SASH1: variants seen among roughly 807,000 people sequenced by gnomAD.
SASH1 encodes the protein SAM and SH3 domain-containing protein 1.
SASH1 carries 44 observed loss-of-function variants against 125.2 expected under a neutral mutation model. The ratio of observed to expected loss-of-function variants is 0.35; its 90% CI spans 0.28 to 0.45. SASH1 has a LOEUF of 0.45. Ranked by LOEUF, SASH1 falls within the 20% of genes least tolerant of loss-of-function variation. The probability of loss-of-function intolerance (pLI) is 1.00; values close to 1 mark genes in which losing one functional copy is unlikely to be tolerated. For missense variants in SASH1, 1,426 were observed against 1,614.5 expected (o/e 0.88, Z 2.00); for synonymous variants, 639 against 649.1 (o/e 0.98, Z 0.24).
At chr6:148,446,403 T>C (rs981253076) in intron 4 of SASH1, among the ~76,000 whole-genome samples, 17 of 152,162 alleles carry the variant, frequency 1.1e-4, no homozygotes, top group African/African-American at 3.6e-4. Context: ...CCACCGTGCC[T>C]GGCCAGGGTT....
At chr6:148,318,892 T>C (rs373164383) in intron 1 of SASH1, among the ~76,000 whole-genome samples, 29 of 152,190 alleles carry the variant, frequency 1.9e-4, no homozygotes, top group African/African-American at 6.5e-4. Context: ...GAGAATATTT[T>C]CCCATGCTGT....
intron 2 of SASH1, among the ~76,000 whole-genome samples, chr6:148,416,803 T>A (rs1317978932): frequency 6.6e-6 from 1 of 152,228 alleles, no homozygotes; most frequent in Non-Finnish European, 1.5e-5. Context: ...CTTGGGTTTT[T>A]GCCACACAAG....
In SASH1 at chr6:148,343,304, AC is replaced by A. The variant is rs1781406384; in HGVS notation, c.156+84del. ...GAAACCGGGGGCTCCCTTCTCGCCC[AC>A]CCACTGGGCAACCCACTCCGCAGAG... On this transcript the variant is annotated intron_variant, in intron 1 of 19. Coordinates refer to ENST00000367467, the MANE Select transcript of SASH1 (RefSeq NM_015278.5). 3 of 1,399,506 alleles carry A rather than the reference AC, an allele frequency of 2.1e-6. No homozygotes were observed. The Admixed American group carries it at 5.6e-5, about 26-fold the overall frequency. 86.7% of individuals were successfully genotyped at this position (1,399,506 alleles called of 1,614,324 possible).
chr6:148,480,883 T>C (rs1167022823), intron 7 of SASH1: 2 of 152,034 alleles, frequency 1.3e-5, no homozygotes, highest in African/African-American at 4.8e-5. Flanking sequence ...TTTTAAAAGA[T>C]AGCTTAAGTT....
In SASH1 at chr6:148,484,052, G is replaced by A. The variant is rs192192497; in HGVS notation, c.628-3562G>A. ...CGGATGTCCTGGAGAATGTTTGATT[G>A]TTTGTTTGTTTTTTAAAATCTCTAC... On this transcript the variant is annotated intron_variant, in intron 7 of 19. Coordinates refer to ENST00000367467, the MANE Select transcript of SASH1 (RefSeq NM_015278.5). 2.8e-5 allele frequency among the ~76,000 whole-genome samples: 4 copies of A among 141,860 alleles called. No homozygotes were observed. In the South Asian group the frequency reaches 6.6e-4, roughly 23 times the overall value. 93.1% of individuals were successfully genotyped at this position (141,860 alleles called of 152,430 possible).
chr6:148,230,770 T>A, the SASH1 span, among the ~76,000 whole-genome samples: 1 of 152,208 alleles, frequency 6.6e-6, no homozygotes, highest in Non-Finnish European at 1.5e-5. Flanking sequence ...TTTGTCCATT[T>A]GTCTTCTTTG....
At chr6:148,282,380 A>T (rs1057127983) in intron 1 of SASH1, among the ~76,000 whole-genome samples, 1 of 43,378 alleles carries the variant, frequency 2.3e-5, no homozygotes, top group Admixed American at 3.4e-4. Context: ...CCTGCCCAGG[A>T]GATTTTTTTT....
At chr6:148,315,129 A>G (rs1455675762) in intron 1 of SASH1, among the ~76,000 whole-genome samples, 1 of 152,192 alleles carries the variant, frequency 6.6e-6, no homozygotes, top group East Asian at 1.9e-4. Context: ...ACTATTTATT[A>G]CTGTTATTAA....
intron 1 of SASH1, among the ~76,000 whole-genome samples, chr6:148,361,974 C>T (rs1196770395): frequency 4.6e-4 from 66 of 143,590 alleles, no homozygotes; most frequent in Non-Finnish European, 7.2e-4. Context: ...AGTGCAGTGG[C>T]GCGATCTCGG....
chr6:148,508,545 T>G (rs1463944079), intron 8 of SASH1: 1 of 1,039,092 alleles, frequency 9.6e-7, no homozygotes, highest in Non-Finnish European at 1.2e-6. Flanking sequence ...CCTTTTTTCC[T>G]TGTGGTGAAT....
chr6:148,222,397 C>G, the SASH1 span, among the ~76,000 whole-genome samples: 1 of 152,094 alleles, frequency 6.6e-6, no homozygotes, highest in Non-Finnish European at 1.5e-5. Flanking sequence ...TGGAGGTACT[C>G]CTCTCTCTGC....
In SASH1 at chr6:148,459,325, C is replaced by T. The variant is rs1777508628; in HGVS notation, c.387-9220C>T. 2.6e-5 allele frequency among the ~76,000 whole-genome samples: 4 copies of T among 152,180 alleles called. No homozygotes were observed. The South Asian group carries it at 8.3e-4, about 31-fold the overall frequency. ...GATCTGATTCTCCCTCCTTCAAGCC[C>T]ACATCGCTCCTGCACTTGGATAGTC... is the stretch of plus-strand genomic sequence containing the variant. On this transcript the variant is annotated intron_variant, in intron 4 of 19. Transcript: ENST00000367467.
intron 2 of SASH1, among the ~76,000 whole-genome samples, chr6:148,437,381 G>T (rs1776334284): frequency 6.6e-6 from 1 of 152,142 alleles, no homozygotes; most frequent in South Asian, 2.1e-4. Context: ...TCCTGAAAAA[G>T]TTATTCTCTT....
At chr6:148,273,454 C>T (rs753932246) in intron 1 of SASH1, among the ~76,000 whole-genome samples, 5 of 151,656 alleles carry the variant, frequency 3.3e-5, no homozygotes, top group East Asian at 1.9e-4. Flanking sequence ...CCCCCATGCC[C>T]GGCTAATTTT....
chr6:148,507,757 C>T (rs561188299), intron 8 of SASH1, among the ~76,000 whole-genome samples: 1 of 152,268 alleles, frequency 6.6e-6, no homozygotes, highest in East Asian at 1.9e-4. Flanking sequence ...TCCTGTGTAG[C>T]TAGGTATTTT....
intron 2 of SASH1, chr6:148,393,659 A>T (rs1454345402): frequency 1.0e-6 from 1 of 977,952 alleles, no homozygotes; most frequent in African/African-American, 1.8e-5. Flanking sequence ...CTTCTCATTC[A>T]AACAGATGGG....
intron 1 of SASH1, among the ~76,000 whole-genome samples, chr6:148,387,083 C>G (rs781120572): frequency 4.0e-5 from 6 of 148,210 alleles, no homozygotes; most frequent in Non-Finnish European, 7.5e-5. Context: ...CCCTCTGTCT[C>G]TCTCTCTCTC....
intron 1 of SASH1, among the ~76,000 whole-genome samples, chr6:148,291,322 T>C (rs1779626251): frequency 6.6e-6 from 1 of 152,234 alleles, no homozygotes; most frequent in Non-Finnish European, 1.5e-5. Flanking sequence ...AAATATCACA[T>C]GCATCCCATA....
intron 8 of SASH1, among the ~76,000 whole-genome samples, chr6:148,504,576 T>C (rs770076506): frequency 6.6e-6 from 1 of 152,056 alleles, no homozygotes; most frequent in Non-Finnish European, 1.5e-5. Context: ...ACCAGGGAGC[T>C]TCCTAGGGTG....
Sources: allele counts gnomAD v4.1 joint callset (sites outside exome capture counted in the v4.1 genomes callset), GRCh38; gene constraint gnomAD v4.1.1; transcripts MANE v1.5; gene names NCBI Gene and HGNC (gene_info 2026-07-23, HGNC 2026-07-21).